LIX1: variants seen among roughly 807,000 people sequenced by gnomAD.
LIX1 encodes the protein limb and CNS expressed 1, also known as protein limb expression 1 homolog.
LIX1 carries 24 observed loss-of-function variants against 33.4 expected under a neutral mutation model. The observed-to-expected ratio is 0.72, with a 90% confidence interval of 0.52 to 1.01. LIX1 has a LOEUF of 1.01. Among genes scored for constraint, LIX1 ranks in the 50% least tolerant of loss-of-function variants. The pLI, the probability that LIX1 is intolerant of heterozygous loss-of-function variation, is 0.00. For synonymous variants in LIX1, 124 were observed against 124.0 expected, an observed-to-expected ratio of 1.00 and a Z score of 0.00; for missense variants, 311 against 339.2, an observed-to-expected ratio of 0.92 and a Z score of 0.65.
At chr5:97,127,788 G>A (rs1211087251) in intron 1 of LIX1, among the ~76,000 whole-genome samples, 1 of 152,176 alleles carries the variant, frequency 6.6e-6, no homozygotes, top group African/African-American at 2.4e-5. Context: ...CCCAGCCAAT[G>A]ATCCTGCCTT....
intron 2 of LIX1, among the ~76,000 whole-genome samples, chr5:97,109,570 T>TTTA (rs2112769955): frequency 6.6e-6 from 1 of 152,262 alleles, no homozygotes; most frequent in East Asian, 1.9e-4. Flanking sequence ...TATTTCTTTT[T>TTTA]TTATTTTATT....
chr5:97,106,639 T>G (rs1045706708), intron 3 of LIX1, among the ~76,000 whole-genome samples: 1 of 152,218 alleles, frequency 6.6e-6, no homozygotes, highest in Non-Finnish European at 1.5e-5. Flanking sequence ...CTTTCTTGGC[T>G]TATAGTTTGG....
intron 3 of LIX1, among the ~76,000 whole-genome samples, 168 bp from the exon 4 acceptor site, chr5:97,105,453 T>C (rs1746964215): frequency 6.6e-6 from 1 of 152,252 alleles, no homozygotes; most frequent in South Asian, 2.1e-4. Context: ...TCAATTTGAA[T>C]TGAGCGTTTG....
At chr5:97,097,946 G>A (rs1298138470) in intron 4 of LIX1, among the ~76,000 whole-genome samples, 1 of 152,154 alleles carries the variant, frequency 6.6e-6, no homozygotes, top group Non-Finnish European at 1.5e-5. Context: ...AAGTAACTAT[G>A]AAATGACCAA....
intron 2 of LIX1, among the ~76,000 whole-genome samples, chr5:97,108,602 G>C (rs572904676): frequency 6.6e-6 from 1 of 152,274 alleles, no homozygotes; most frequent in East Asian, 1.9e-4. Flanking sequence ...GGAGTTGATG[G>C]CCTCTCTCCT....
chr5:97,128,582 T>C lies in LIX1; in HGVS notation c.83-3953A>G, dbSNP rs10043225. The stretch of plus-strand genomic sequence containing the variant: ...ACTGCCATTTGGATGTTGCAAAAAC[T>C]CAACATATTTTCAAACTCAACTCAT... On this transcript the variant is annotated intron_variant, in intron 1 of 5. Coordinates refer to ENST00000274382, the MANE Select transcript of LIX1 (RefSeq NM_153234.5). Among the ~76,000 whole-genome samples the C allele has an allele frequency of 5.8e-3, 885 of 152,238 alleles. 4 individuals carry two copies. The highest frequency in any genetic ancestry group is 0.02 in the African/African-American group (848 of 41,540).
Position 97,094,812 on chromosome 5 carries a change from T to A in LIX1, c.785A>T (p.Asp262Val). The A allele has an allele frequency of 6.2e-7, 1 of 1,614,156 alleles. No homozygotes were observed. The highest frequency in any genetic ancestry group is 8.5e-7 in the Non-Finnish European group (1 of 1,180,016). The change falls in exon 6 of 6, where the codon GAC becomes GTC. Residue 262 changes from aspartate to valine, a missense_variant. Physicochemically the swap from Asp to Val is radical, Grantham distance 152. Coordinates refer to ENST00000274382, the MANE Select transcript of LIX1 (RefSeq NM_153234.5). ...ATCACTGGGTGAGGAAGTGTCAGGG[T>A]CACTGCAGATCTGAGTCAGGGCTAA... ...LSLALTQICS[D>V]PDTSSPSDDQ...
At chr5:97,142,421 T>C in intron 1 of LIX1, 74 bp downstream of exon 1, 2 of 1,020,924 alleles carry the variant, frequency 2.0e-6, no homozygotes, top group Non-Finnish European at 3.1e-6. Context: ...GAAATCTTAC[T>C]TAAATAGGAT....
At chr5:97,137,044 G>C in intron 1 of LIX1, 2 of 407,178 alleles carry the variant, frequency 4.9e-6, no homozygotes, top group South Asian at 3.8e-5. Flanking sequence ...AAATCAATCT[G>C]TAGCACATAA....
intron 1 of LIX1, among the ~76,000 whole-genome samples, chr5:97,135,062 C>G (rs1748144697): frequency 6.6e-6 from 1 of 152,136 alleles, no homozygotes; most frequent in South Asian, 2.1e-4. Context: ...ACTCCTTACC[C>G]CAAACATATT....
Position 97,096,868 on chromosome 5 carries a change from T to C in LIX1, c.503A>G (p.Gln168Arg), listed in dbSNP as rs574676233. 2.6e-5 allele frequency: 42 copies of C among 1,613,950 alleles called. No individual in the cohort carries two copies. Among genetic ancestry groups the C allele is most frequent in the South Asian group, 2.1e-4 (19 of 91,074 alleles). The change falls in exon 5 of 6, where the codon CAA (glutamine) becomes CGA (arginine). Residue 168 changes from glutamine to arginine, a missense_variant. Transcript: ENST00000274382. ...TAGGCTTCCATTCCAGTGCAATAGT[T>C]GGAAAATGGTCATCAGCTCCTACAA... ...LEFQELMTIF[Q>R]LLHWNGSLKA...
At chr5:97,115,273 ATAAATAG>A (rs1331330288) in intron 2 of LIX1, among the ~76,000 whole-genome samples, 2 of 152,226 alleles carry the variant, frequency 1.3e-5, no homozygotes, top group African/African-American at 4.8e-5. Context: ...TGTATGTGTT[ATAAATAG>A]AAATTCCTAA....
At position 97,093,117 on chromosome 5, in the gene LIX1, G is replaced by A. The variant is rs534546445; in HGVS notation, c.*1631C>T. The A allele has an allele frequency of 8.5e-5, 13 of 152,342 alleles. No individual in the cohort carries two copies. The South Asian group carries it at 2.1e-3, about 24-fold the overall frequency. 9.4% of individuals were successfully genotyped at this position (152,342 alleles called of 1,614,324 possible). The stretch of plus-strand genomic sequence containing the variant: ...GTAGCTAATTGTTCCCCTGGTGTGA[G>A]ATATGTGATACATGATAATCTTTTA... On this transcript the variant is annotated 3_prime_UTR_variant, in exon 6 of 6. Coordinates refer to ENST00000274382, the MANE Select transcript of LIX1 (RefSeq NM_153234.5).
rs776962617 is a variant in LIX1, at chr5:97,124,648, A to G, written c.83-19T>C. On this transcript the variant is annotated intron_variant, in intron 1 of 5. Transcript: ENST00000274382. Reference sequence around the variant, plus strand: ...ACGTTCACTGAAAAAGACAAGAAACACCATCAGTTATTAAGGATGGACATA... The same window carrying G: ...ACGTTCACTGAAAAAGACAAGAAACGCCATCAGTTATTAAGGATGGACATA... The G allele has an allele frequency of 1.6e-5, 26 of 1,599,250 alleles. No homozygotes were observed. In the South Asian group the frequency reaches 2.6e-4, roughly 16 times the overall value.
chr5:97,107,651 C>T (rs776917643), intron 2 of LIX1, 151 bp from the exon 3 acceptor site: 19 of 774,544 alleles, frequency 2.5e-5, no homozygotes, highest in African/African-American at 5.2e-5. Flanking sequence ...CTGAAGGTCA[C>T]GCAGATTTTC....
chr5:97,138,399 A>C (rs1002267648), intron 1 of LIX1, among the ~76,000 whole-genome samples: 1 of 152,370 alleles, frequency 6.6e-6, no homozygotes, highest in Non-Finnish European at 1.5e-5. Flanking sequence ...TGAGTTGGCA[A>C]ATGGTTTCTT....
chr5:97,139,633 T>C (rs1275913735), intron 1 of LIX1, among the ~76,000 whole-genome samples: 1 of 152,218 alleles, frequency 6.6e-6, no homozygotes, highest in African/African-American at 2.4e-5. Flanking sequence ...TTCTGCCTGG[T>C]AGTGTGGAGA....
chr5:97,137,798 C>T (rs1053105444), intron 1 of LIX1, among the ~76,000 whole-genome samples: 10 of 152,132 alleles, frequency 6.6e-5, no homozygotes, highest in African/African-American at 2.4e-4. Flanking sequence ...TTTTACTGCA[C>T]AAGAATCTTC....
At chr5:97,095,606 T>C (rs966027886) in intron 5 of LIX1, among the ~76,000 whole-genome samples, 11 of 152,316 alleles carry the variant, frequency 7.2e-5, no homozygotes, top group Middle Eastern at 3.4e-3. Flanking sequence ...GGAGTTTAGA[T>C]GTATAATGGA....
Sources: allele counts gnomAD v4.1 joint callset (sites outside exome capture counted in the v4.1 genomes callset), GRCh38; gene constraint gnomAD v4.1.1; transcripts MANE v1.5; gene names NCBI Gene and HGNC (gene_info 2026-07-23, HGNC 2026-07-21).